DYNC1LI1: variants seen among roughly 807,000 people sequenced by gnomAD.
DYNC1LI1 encodes dynein cytoplasmic 1 light intermediate chain 1.
DYNC1LI1 carries 19 observed loss-of-function variants against 63.8 expected under a neutral mutation model. The observed-to-expected ratio is 0.30, with a 90% CI of 0.21 to 0.44. The LOEUF (loss-of-function observed/expected upper bound fraction) is 0.44. DYNC1LI1 is among the 20% of genes least tolerant of loss of function. The pLI is 1.00. For synonymous variants in DYNC1LI1, 225 were observed against 232.3 expected (o/e 0.97, Z 0.28); for missense variants, 565 against 630.2 (o/e 0.90, Z 1.11).
intron 6 of DYNC1LI1, among the ~76,000 whole-genome samples, chr3:32,535,502 C>T (rs1211249064): frequency 6.6e-6 from 1 of 152,146 alleles, no homozygotes; most frequent in Non-Finnish European, 1.5e-5. Context: ...TGGGACATGA[C>T]CTGAGGCTTA....
intron 4 of DYNC1LI1, among the ~76,000 whole-genome samples, chr3:32,543,835 A>T (rs1191248588): frequency 1.3e-5 from 2 of 151,134 alleles, no homozygotes; most frequent in Non-Finnish European, 3.0e-5. Flanking sequence ...GAGTCTGAGC[A>T]AGGTGGATCG....
intron 12 of DYNC1LI1, 71 bp from the exon 13 acceptor site, chr3:32,526,979 T>C: frequency 9.4e-7 from 1 of 1,058,528 alleles, no homozygotes; most frequent in Non-Finnish European, 1.4e-6. Context: ...CAATATCTCT[T>C]CATTTAAAAA....
chr3:32,565,520 C>T (rs1698246349), intron 2 of DYNC1LI1, among the ~76,000 whole-genome samples: 1 of 152,222 alleles, frequency 6.6e-6, no homozygotes, highest in South Asian at 2.1e-4. Flanking sequence ...TTAATAACTG[C>T]TAAGCATCCT....
At chr3:32,558,014 A>T (rs28427140) in intron 2 of DYNC1LI1, among the ~76,000 whole-genome samples, 16 of 152,130 alleles carry the variant, frequency 1.1e-4, no homozygotes, top group African/African-American at 2.9e-4. Context: ...GGGCATATTT[A>T]AAAAAACAAA....
chr3:32,535,626 G>A (rs1276782567), intron 6 of DYNC1LI1, among the ~76,000 whole-genome samples: 1 of 152,124 alleles, frequency 6.6e-6, no homozygotes, highest in African/African-American at 2.4e-5. Context: ...TATTAACTTT[G>A]CATTAATGCT....
At chr3:32,568,012 A>AT in intron 2 of DYNC1LI1, among the ~76,000 whole-genome samples, 1 of 151,540 alleles carries the variant, frequency 6.6e-6, no homozygotes, top group Non-Finnish European at 1.5e-5. Context: ...CAATTTTTTT[A>AT]TTTTTTGTAG....
Position 32,545,854 on chromosome 3 carries a change from C to T in DYNC1LI1, c.332G>A (p.Arg111Lys). The change falls in exon 3 of 13, where the codon AGG (arginine) becomes AAG (lysine). Residue 111 changes from arginine to lysine, a missense_variant. By Grantham distance (26) the Arg-to-Lys change is conservative. Coordinates refer to ENST00000273130, the MANE Select transcript of DYNC1LI1 (RefSeq NM_016141.4). Reference protein sequence around the residue: ...YLYLNVHDEDRDDQTRCNVWI... With the variant: ...YLYLNVHDEDKDDQTRCNVWI... Reference sequence around the variant, plus strand: ...ATGTTACAAATGACACTCACCATCCCTGTCTTCATCATGCACATTTAAGTA... The same window carrying T: ...ATGTTACAAATGACACTCACCATCCTTGTCTTCATCATGCACATTTAAGTA... 6.3e-7 allele frequency: 1 copy of T among 1,594,826 alleles called. No homozygotes were observed. The highest frequency in any genetic ancestry group is 2.2e-5 in the East Asian group (1 of 44,714).
chr3:32,537,950 TTTATATATATA>T lies in DYNC1LI1; in HGVS notation c.739-857_739-847del, dbSNP rs1559436220. ...TAATATATATATAATATATATATAA[TTTATATATATA>T]ATATATATATATTTATATATAATAT... On this transcript the variant is annotated intron_variant, in intron 5 of 12. Coordinates refer to ENST00000273130, the MANE Select transcript of DYNC1LI1 (RefSeq NM_016141.4). Among the ~76,000 whole-genome samples, 4 of 5,836 alleles carry T rather than the reference TTTATATATATA, an allele frequency of 6.9e-4. 1 individual carries two copies. In the East Asian group the frequency reaches 0.047, roughly 68 times the overall value. 3.8% of individuals were successfully genotyped at this position (5,836 alleles called of 152,430 possible). A position where few individuals can be genotyped will look rare whatever the true frequency, so the allele number is the denominator to read the frequency against.
At chr3:32,552,390 G>A (rs987107125) in intron 2 of DYNC1LI1, among the ~76,000 whole-genome samples, 6 of 151,412 alleles carry the variant, frequency 4.0e-5, no homozygotes, top group Non-Finnish European at 8.9e-5. Context: ...TCAAACTCCC[G>A]GCCTCAAGCA....
chr3:32,530,772 T>A, intron 8 of DYNC1LI1: 1 of 415,274 alleles, frequency 2.4e-6, no homozygotes, highest in Non-Finnish European at 4.3e-6. Flanking sequence ...CAGTGGCTAC[T>A]GAGCACTTGA....
intron 2 of DYNC1LI1, among the ~76,000 whole-genome samples, chr3:32,567,627 C>G (rs1482557538): frequency 6.6e-6 from 1 of 151,806 alleles, no homozygotes; most frequent in Non-Finnish European, 1.5e-5. Flanking sequence ...CAACTTCTGC[C>G]TCCAGGGCTC....
intron 2 of DYNC1LI1, among the ~76,000 whole-genome samples, chr3:32,565,790 G>A (rs866199301): frequency 6.6e-6 from 1 of 152,054 alleles, no homozygotes; most frequent in Non-Finnish European, 1.5e-5. Flanking sequence ...TGTATTTTTA[G>A]TAGAGACTGG....
chr3:32,558,409 A>T, intron 2 of DYNC1LI1, among the ~76,000 whole-genome samples: 1 of 150,398 alleles, frequency 6.6e-6, no homozygotes, highest in African/African-American at 2.4e-5. Context: ...AATGTAAAAA[A>T]AAAAAAAAAA....
intron 4 of DYNC1LI1, 145 bp from the exon 5 acceptor site, chr3:32,541,351 C>G: frequency 1.7e-6 from 1 of 578,542 alleles, no homozygotes; most frequent in Non-Finnish European, 3.0e-6. Context: ...AAACCTATTT[C>G]AAAGAGAATA....
chr3:32,536,877 G>T, intron 6 of DYNC1LI1, 134 bp downstream of exon 6: 1 of 555,360 alleles, frequency 1.8e-6, no homozygotes, highest in East Asian at 3.4e-5. Context: ...GAACTAAAAT[G>T]AAATTTCCAA....
At chr3:32,569,517 T>C (rs975909350) in intron 2 of DYNC1LI1, among the ~76,000 whole-genome samples, 1 of 152,206 alleles carries the variant, frequency 6.6e-6, no homozygotes, top group Non-Finnish European at 1.5e-5. Flanking sequence ...AGTTTTTAAA[T>C]TTAATCATCG....
intron 2 of DYNC1LI1, chr3:32,570,136 G>T: frequency 1.5e-6 from 1 of 688,234 alleles, no homozygotes; most frequent in Non-Finnish European, 2.6e-6. Flanking sequence ...AGGAGGAGGA[G>T]GAACCTGAGG....
chr3:32,540,892 C>A (rs1697871112), intron 5 of DYNC1LI1, 145 bp downstream of exon 5: 2 of 517,246 alleles, frequency 3.9e-6, no homozygotes, highest in South Asian at 9.4e-5. Flanking sequence ...ATGTTAATAT[C>A]ATTAAATACT....
chr3:32,544,530 G>C (rs978011809), intron 4 of DYNC1LI1, among the ~76,000 whole-genome samples: 3 of 152,182 alleles, frequency 2.0e-5, no homozygotes, highest in African/African-American at 7.2e-5. Flanking sequence ...AGCACTCTGG[G>C]AGGCCGAGTG....
Sources: allele counts gnomAD v4.1 joint callset (sites outside exome capture counted in the v4.1 genomes callset), GRCh38; gene constraint gnomAD v4.1.1; transcripts MANE v1.5; gene names NCBI Gene and HGNC (gene_info 2026-07-23, HGNC 2026-07-21).